Variants in TTC28 observed in about 807,000 individuals in gnomAD.
TTC28 encodes the protein tetratricopeptide repeat protein 28.
In TTC28, 61 loss-of-function variants were observed where a neutral mutation model predicts 198.0. The ratio of observed to expected loss-of-function variants is 0.31; its 90% CI spans 0.25 to 0.38. TTC28 has a LOEUF of 0.38. Ranked by LOEUF, TTC28 falls within the 10% of genes least tolerant of loss-of-function variation. TTC28 has a pLI of 1.00. For missense variants in TTC28, 2,678 were observed against 3,164.0 expected (o/e 0.85, Z 3.69); for synonymous variants, 1,171 against 1,297.8 (o/e 0.90, Z 2.10).
intron 2 of TTC28, among the ~76,000 whole-genome samples, chr22:28,534,157 T>G (rs142694243): frequency 1.3e-5 from 2 of 152,030 alleles, no homozygotes; most frequent in African/African-American, 4.8e-5. Flanking sequence ...TTGCAATCTA[T>G]CCATCTGACA....
At chr22:28,447,733 G>C (rs905187592) in intron 2 of TTC28, among the ~76,000 whole-genome samples, 10 of 152,172 alleles carry the variant, frequency 6.6e-5, no homozygotes, top group African/African-American at 2.4e-4. Context: ...ATCAAGAAGG[G>C]AGAAAATATA....
intron 2 of TTC28, among the ~76,000 whole-genome samples, chr22:28,460,934 T>C (rs1197671626): frequency 6.6e-6 from 1 of 152,152 alleles, no homozygotes; most frequent in Non-Finnish European, 1.5e-5. Flanking sequence ...TCCTCCGACC[T>C]TGGCTTATCA....
intron 12 of TTC28, among the ~76,000 whole-genome samples, chr22:28,062,568 C>T (rs1042665210): frequency 2.6e-5 from 4 of 151,972 alleles, no homozygotes; most frequent in Non-Finnish European, 5.9e-5. Flanking sequence ...CTCCTGGGCT[C>T]ACGTGATCCT....
intron 5 of TTC28, among the ~76,000 whole-genome samples, chr22:28,237,508 A>T (rs1007745566): frequency 6.6e-6 from 1 of 152,220 alleles, no homozygotes; most frequent in Non-Finnish European, 1.5e-5. Flanking sequence ...TAAGAATCTT[A>T]CAACGGTATG....
intron 2 of TTC28, among the ~76,000 whole-genome samples, chr22:28,592,017 C>G (rs1324465174): frequency 6.6e-6 from 1 of 151,886 alleles, no homozygotes; most frequent in Admixed American, 6.6e-5. Flanking sequence ...CAAGGGGCCA[C>G]CAAGTGGAAG....
rs555229218 is a variant in TTC28, at chr22:28,484,959, T to C, written c.381+144593A>G. On this transcript the variant is annotated intron_variant, in intron 2 of 22. Coordinates refer to ENST00000397906, the MANE Select transcript of TTC28 (RefSeq NM_001145418.2). ...TATCCATAAACTGCTCTCCCTAGAATGGTTCTCAAAGTCCAGTATATTTTT... is the reference window on the plus strand; with the variant it reads ...TATCCATAAACTGCTCTCCCTAGAACGGTTCTCAAAGTCCAGTATATTTTT... Among the ~76,000 whole-genome samples, 25 of 152,296 alleles carry C rather than the reference T, an allele frequency of 1.6e-4. No individual in the cohort carries two copies. In the East Asian group the frequency reaches 4.8e-3, roughly 29 times the overall value.
rs755511418 is a variant in TTC28, at chr22:27,982,779, G to A, written c.6888C>T (p.Ser2296=). Residue 2296 remains serine, a synonymous_variant, in exon 23 of 23, where the codon AGC becomes AGT. Transcript: ENST00000397906. The surrounding 1 kb of genome is among the most constrained non-coding windows in gnomAD (Gnocchi z 5.2). ...TCCTTGGTGATTTGGAAATGTGAGCGCTGTAAGGAGAGCTGGGGTACTTCA... is the reference window on the plus strand; with the variant it reads ...TCCTTGGTGATTTGGAAATGTGAGCACTGTAAGGAGAGCTGGGGTACTTCA... ...FKLKYPSSPY[S]AHISKSPRNM... is the part of the protein sequence containing the mutation. 22 of 1,547,876 alleles carry A rather than the reference G, an allele frequency of 1.4e-5. No individual in the cohort carries two copies. In the East Asian group the frequency reaches 1.5e-4, roughly 10 times the overall value.
At position 28,108,972 on chromosome 22, in the gene TTC28, C is replaced by T. The variant is rs117612597; in HGVS notation, c.1442-569G>A. Among the ~76,000 whole-genome samples the T allele has an allele frequency of 6.4e-4, 98 of 152,290 alleles. 2 individuals carry two copies. In the East Asian group the frequency reaches 0.019, roughly 29 times the overall value. On this transcript the variant is annotated intron_variant, in intron 6 of 22. Coordinates refer to ENST00000397906, the MANE Select transcript of TTC28 (RefSeq NM_001145418.2). Reference sequence around the variant, plus strand: ...ACAACTCCTACACTGATGAGATTGTCCTAAAATTGGTAAACACACCAACTG... The same window carrying T: ...ACAACTCCTACACTGATGAGATTGTTCTAAAATTGGTAAACACACCAACTG...
In TTC28 at chr22:28,001,481, G is replaced by C. The variant is rs1480228980; in HGVS notation, c.4291C>G (p.Leu1431Val). 3.2e-6 allele frequency: 5 copies of C among 1,551,480 alleles called. No individual in the cohort carries two copies. In the African/African-American group the frequency reaches 6.8e-5, roughly 21 times the overall value. ...CCCTTCAGGAGGGCGAAAGGAATGA[G>C]GTAGAGCTCCCCCTCCAGAACCAGG... ...LILVLEGELY[L>V]IPFALLKGSS... is the part of the protein sequence containing the mutation. Residue 1431 changes from leucine to valine, a missense_variant, in exon 15 of 23, where the codon CTC becomes GTC. Around this residue, in one of 8 missense-constraint regions of TTC28, gnomAD observed 727 missense variants for 861.9 expected, o/e 0.84. Transcript: ENST00000397906.
chr22:28,273,785 C>T (rs1220415392), intron 5 of TTC28, among the ~76,000 whole-genome samples: 1 of 152,112 alleles, frequency 6.6e-6, no homozygotes, highest in East Asian at 1.9e-4. Flanking sequence ...CAGCAAACCA[C>T]ACCTACACTA....
At chr22:28,112,299 G>C (rs1170014811) in intron 6 of TTC28, among the ~76,000 whole-genome samples, 1 of 152,166 alleles carries the variant, frequency 6.6e-6, no homozygotes, top group Non-Finnish European at 1.5e-5. Context: ...ATGACCTTAA[G>C]AGTCTGGGCT....
chr22:28,052,135 T>TA (rs1940112630), intron 12 of TTC28, among the ~76,000 whole-genome samples: 1 of 152,218 alleles, frequency 6.6e-6, no homozygotes, highest in African/African-American at 2.4e-5. Context: ...TTGGGGGTTT[T>TA]ATAATTAATA....
intron 5 of TTC28, among the ~76,000 whole-genome samples, chr22:28,235,559 G>A (rs1006588098): frequency 2.6e-5 from 4 of 152,114 alleles, no homozygotes. Context: ...AAAGTTTCTA[G>A]AATAGAACAA....
intron 5 of TTC28, among the ~76,000 whole-genome samples, chr22:28,228,465 C>G (rs1021249967): frequency 6.6e-6 from 1 of 151,846 alleles, no homozygotes; most frequent in African/African-American, 2.4e-5. Flanking sequence ...TTTGGAAGAC[C>G]GAGGCAGGGG....
At chr22:28,182,168 G>A (rs1923760659) in intron 5 of TTC28, among the ~76,000 whole-genome samples, 1 of 152,172 alleles carries the variant, frequency 6.6e-6, no homozygotes. Flanking sequence ...AGTGGAGGGT[G>A]TGTAACCTAG....
At position 27,989,889 on chromosome 22, in the gene TTC28, A is replaced by C; in HGVS notation, c.5696T>G (p.Leu1899Arg). The C allele has an allele frequency of 1.3e-6, 2 of 1,550,996 alleles. No individual in the cohort carries two copies. The highest frequency in any genetic ancestry group is 1.7e-6 in the Non-Finnish European group (2 of 1,146,576). Residue 1899 changes from leucine to arginine, a missense_variant, in exon 21 of 23, where the codon CTG becomes CGG. Transcript: ENST00000397906. ...GATTCTCTGCCTACCTAGAGCTGCCAGGAACTCGTGGCATCCCGGGAGCCG... is the reference window on the plus strand; with the variant it reads ...GATTCTCTGCCTACCTAGAGCTGCCCGGAACTCGTGGCATCCCGGGAGCCG... Reference protein sequence around the residue: ...LWRLPGCHEFLAALGFDLCEV... With the variant: ...LWRLPGCHEFRAALGFDLCEV...
intron 5 of TTC28, among the ~76,000 whole-genome samples, chr22:28,225,670 G>C (rs1007595649): frequency 6.6e-6 from 1 of 152,206 alleles, no homozygotes. Context: ...TGTACAACTT[G>C]TAAGCTCTGA....
chr22:28,314,672 C>T (rs1055358934), intron 2 of TTC28, among the ~76,000 whole-genome samples: 2 of 152,090 alleles, frequency 1.3e-5, no homozygotes, highest in South Asian at 2.1e-4. Flanking sequence ...TGCTCCTATT[C>T]GGCCATCTTA....
At chr22:28,420,757 G>A (rs893687592) in intron 2 of TTC28, among the ~76,000 whole-genome samples, 2 of 151,734 alleles carry the variant, frequency 1.3e-5, no homozygotes, top group Admixed American at 6.6e-5. Context: ...GCACTACCAC[G>A]CCCAGCTAAT....
Sources: gnomAD v4.1 joint callset for allele counts (sites outside exome capture counted in the v4.1 genomes callset) on GRCh38, gnomAD v4.1.1 for gene constraint, gnomAD v4.1.1 regional missense constraint, Gnocchi (gnomAD v3.1) non-coding constraint, MANE v1.5 for transcripts, NCBI Gene and HGNC (gene_info 2026-07-23, HGNC 2026-07-21) for gene names.